Variants in CDH13 observed in about 807,000 individuals in gnomAD.
The protein encoded by CDH13 is cadherin-13.
In CDH13, 24 loss-of-function variants were observed where a neutral mutation model predicts 63.8. That is an observed-to-expected ratio of 0.38 (90% CI 0.27 to 0.53). The LOEUF is 0.53. CDH13 is among the 20% of genes least tolerant of loss of function. The probability of loss-of-function intolerance (pLI) is 0.85; values close to 1 mark genes in which losing one functional copy is unlikely to be tolerated. For synonymous variants in CDH13, 503 were observed against 355.3 expected, an observed-to-expected ratio of 1.42 and a Z score of -4.67; for missense variants, 1,049 against 903.1, an observed-to-expected ratio of 1.16 and a Z score of -2.07.
At chr16:83,615,132 A>C (rs1909177886) in intron 8 of CDH13, among the ~76,000 whole-genome samples, 3 of 152,174 alleles carry the variant, frequency 2.0e-5, no homozygotes, top group African/African-American at 7.2e-5. Context: ...AGTCTAATTG[A>C]AGTAAATATA....
chr16:82,984,304 A>G (rs1003903840), intron 2 of CDH13, among the ~76,000 whole-genome samples: 4 of 152,172 alleles, frequency 2.6e-5, no homozygotes, highest in African/African-American at 7.2e-5. Flanking sequence ...TCATTCAGCT[A>G]TGTCTTCACA....
chr16:83,216,841 C>T (rs2039549992), intron 4 of CDH13, among the ~76,000 whole-genome samples: 1 of 151,024 alleles, frequency 6.6e-6, no homozygotes. Context: ...TATGTATAAA[C>T]CTTTTCTGAT....
intron 10 of CDH13, among the ~76,000 whole-genome samples, chr16:83,697,285 A>G (rs1905532954): frequency 6.6e-6 from 1 of 152,132 alleles, no homozygotes; most frequent in Non-Finnish European, 1.5e-5. Flanking sequence ...TTCTTATTTC[A>G]GCTCTCATAG....
intron 4 of CDH13, among the ~76,000 whole-genome samples, chr16:83,149,344 A>G (rs2036877549): frequency 6.6e-6 from 1 of 152,222 alleles, no homozygotes; most frequent in African/African-American, 2.4e-5. Flanking sequence ...TATAATGAGA[A>G]AGACATGGCA....
At chr16:82,792,823 C>G (rs1458509255) in intron 1 of CDH13, among the ~76,000 whole-genome samples, 1 of 152,248 alleles carries the variant, frequency 6.6e-6, no homozygotes, top group Non-Finnish European at 1.5e-5. Context: ...TGCATCCAGG[C>G]TGCGTGACAT....
intron 10 of CDH13, among the ~76,000 whole-genome samples, chr16:83,745,148 G>A (rs149810709): frequency 2.1e-4 from 32 of 152,296 alleles, no homozygotes; most frequent in African/African-American, 7.0e-4. Context: ...GCAATGTAAG[G>A]CTCGATGCTG....
At chr16:83,626,615 G>C (rs7200398) in intron 8 of CDH13, among the ~76,000 whole-genome samples, 15,351 of 151,896 alleles carry the variant, frequency 0.1, 833 homozygotes, top group Admixed American at 0.11. Flanking sequence ...TTTAGCTGCT[G>C]ACTTGGCAAC....
chr16:83,020,465 T>C (rs1915244166), intron 2 of CDH13, among the ~76,000 whole-genome samples: 1 of 152,180 alleles, frequency 6.6e-6, no homozygotes, highest in South Asian at 2.1e-4. Flanking sequence ...ACAGACCCTA[T>C]GACTGCTCTA....
intron 4 of CDH13, among the ~76,000 whole-genome samples, chr16:83,186,868 C>A (rs932903048): frequency 6.6e-6 from 1 of 152,160 alleles, no homozygotes; most frequent in East Asian, 1.9e-4. Context: ...CCCATTGAAG[C>A]AGGCAGCTGG....
intron 6 of CDH13, among the ~76,000 whole-genome samples, chr16:83,399,276 G>A (rs1035916375): frequency 6.6e-6 from 1 of 152,146 alleles, no homozygotes; most frequent in Non-Finnish European, 1.5e-5. Context: ...TTATTATGAT[G>A]ATCAATTAAG....
In CDH13 at chr16:82,692,168, G is replaced by A. The variant is rs16958314; in HGVS notation, c.45+65031G>A. Among the ~76,000 whole-genome samples, 283 of 152,310 alleles carry A rather than the reference G, an allele frequency of 1.9e-3. 1 individual carries two copies. Among genetic ancestry groups the A allele is most frequent in the African/African-American group, 6.5e-3 (270 of 41,566 alleles). On this transcript the variant is annotated intron_variant, in intron 1 of 13. Coordinates refer to ENST00000567109, the MANE Select transcript of CDH13 (RefSeq NM_001257.5). ...GGAAGTCAAATGCTTAGGAGTGTAA[G>A]CTGCAGGAAGAAATAGGCAGAGAAG...
At chr16:82,746,062 A>G (rs1457236394) in intron 1 of CDH13, among the ~76,000 whole-genome samples, 1 of 152,018 alleles carries the variant, frequency 6.6e-6, no homozygotes, top group African/African-American at 2.4e-5. Context: ...AATTGCCAGC[A>G]TAAGAGGGAA....
intron 3 of CDH13, among the ~76,000 whole-genome samples, chr16:83,077,080 A>G (rs1412183473): frequency 6.6e-6 from 1 of 151,560 alleles, no homozygotes; most frequent in African/African-American, 2.4e-5. Flanking sequence ...CATTGGTTCT[A>G]GAATTTTATA....
chr16:83,041,515 G>A (rs981535908), intron 3 of CDH13, among the ~76,000 whole-genome samples: 1 of 151,970 alleles, frequency 6.6e-6, no homozygotes, highest in African/African-American at 2.4e-5. Flanking sequence ...AAAAGCCAAC[G>A]ACCCTGCTAA....
chr16:82,708,343 G>A (rs929312436), intron 1 of CDH13, among the ~76,000 whole-genome samples: 1 of 152,152 alleles, frequency 6.6e-6, no homozygotes, highest in Non-Finnish European at 1.5e-5. Context: ...TACTATAAAA[G>A]TGCAAATAGG....
At chr16:82,784,578 A>G (rs1036843529) in intron 1 of CDH13, among the ~76,000 whole-genome samples, 3 of 152,186 alleles carry the variant, frequency 2.0e-5, no homozygotes, top group Non-Finnish European at 4.4e-5. Flanking sequence ...TTGCCCACAC[A>G]TGGTTAGAAC....
intron 3 of CDH13, among the ~76,000 whole-genome samples, chr16:83,067,999 T>G (rs114054798): frequency 6.6e-6 from 1 of 152,156 alleles, no homozygotes; most frequent in African/African-American, 2.4e-5. Context: ...CAGAGCATGA[T>G]CAGTTCATCA....
chr16:83,339,307 G>A (rs2090670716), intron 5 of CDH13, among the ~76,000 whole-genome samples: 1 of 152,110 alleles, frequency 6.6e-6, no homozygotes, highest in Admixed American at 6.5e-5. Flanking sequence ...ACATGCAACT[G>A]TATTTATCAT....
intron 4 of CDH13, among the ~76,000 whole-genome samples, chr16:83,170,297 C>T (rs1386032217): frequency 6.6e-6 from 1 of 152,044 alleles, no homozygotes; most frequent in Non-Finnish European, 1.5e-5. Context: ...CTCAGACTCC[C>T]ACCCTACTTG....
Sources: gnomAD v4.1 joint callset for allele counts (sites outside exome capture counted in the v4.1 genomes callset) on GRCh38, gnomAD v4.1.1 for gene constraint, MANE v1.5 for transcripts, NCBI Gene and HGNC (gene_info 2026-07-23, HGNC 2026-07-21) for gene names.